YY1AP1: variants seen among roughly 807,000 people sequenced by gnomAD.
YY1AP1 encodes YY1 associated protein 1.
Under a neutral mutation model 39.9 loss-of-function variants are expected in YY1AP1, and 43 were observed. The ratio of observed to expected loss-of-function variants is 1.08; its 90% CI spans 0.84 to 1.39. YY1AP1 has a LOEUF of 1.39. YY1AP1 is among the 40% of genes most tolerant of loss of function. The probability of loss-of-function intolerance (pLI) is 0.00; values close to 1 mark genes in which losing one functional copy is unlikely to be tolerated. For synonymous variants in YY1AP1, 292 were observed against 331.3 expected, an observed-to-expected ratio of 0.88 and a Z score of 1.29; for missense variants, 813 against 900.7, an observed-to-expected ratio of 0.90 and a Z score of 1.25.
In YY1AP1 at chr1:155,660,771, T is replaced by C. The variant is rs770392051; in HGVS notation, c.1139A>G (p.Tyr380Cys). 1 of 1,614,212 alleles carries C rather than the reference T, an allele frequency of 6.2e-7. No individual in the cohort carries two copies. Among genetic ancestry groups the C allele is most frequent in the East Asian group, 2.2e-5 (1 of 44,880 alleles). ...TACACCCTTAGGCAATAGCAGTGGG[T>C]ACCGAGTTTCACTCCCCAACTCTGA... The part of the protein sequence containing the change: ...DNSELGSETR[Y>C]PLLLPKGVVL... Residue 380 changes from tyrosine to cysteine, a missense_variant, in exon 11 of 11, where the codon TAC (tyrosine) becomes TGC (cysteine). Transcript: ENST00000355499.
chr1:155,680,447 G>C lies in YY1AP1; in HGVS notation c.-11C>G, dbSNP rs1345915119. The C allele has an allele frequency of 6.2e-7, 1 of 1,613,394 alleles. No homozygotes were observed. On this transcript the variant is annotated 5_prime_UTR_variant, in exon 3 of 11. Transcript: ENST00000355499. ...AAACAGATCTTCCATCAGCTCATTT[G>C]CTTCCTTTTCTGCAAAAAAGCCAAA...
intron 9 of YY1AP1, among the ~76,000 whole-genome samples, chr1:155,661,691 T>C (rs569918689): frequency 3.9e-5 from 6 of 152,396 alleles, no homozygotes; most frequent in Admixed American, 2.6e-4. Context: ...AGTCTTGCTC[T>C]GTCGCCCAGG....
At chr1:155,675,190 T>C in intron 5 of YY1AP1, 94 bp from the exon 6 acceptor site, 1 of 1,164,642 alleles carries the variant, frequency 8.6e-7, no homozygotes, top group South Asian at 1.3e-5. Context: ...AGACAGGGTC[T>C]TGCTCTGTCA....
upstream of YY1AP1, chr1:155,688,890 G>A (rs751838515): frequency 3.7e-6 from 6 of 1,612,144 alleles, no homozygotes; most frequent in Non-Finnish European, 5.1e-6. Flanking sequence ...CGTTTGACTG[G>A]AATTGCCAGG....
At chr1:155,675,842 T>G (rs183563837) in intron 5 of YY1AP1, among the ~76,000 whole-genome samples, 1 of 152,322 alleles carries the variant, frequency 6.6e-6, no homozygotes, top group East Asian at 1.9e-4. Flanking sequence ...ACGTAGGATC[T>G]TGGCATAAAT....
At chr1:155,664,267 T>C (rs1648618681) in intron 9 of YY1AP1, among the ~76,000 whole-genome samples, 1 of 152,182 alleles carries the variant, frequency 6.6e-6, no homozygotes, top group African/African-American at 2.4e-5. Flanking sequence ...GAGGAGAGTA[T>C]TATTTTTTCC....
intron 7 of YY1AP1, 105 bp downstream of exon 7, chr1:155,672,455 G>A: frequency 2.2e-6 from 3 of 1,367,780 alleles, no homozygotes; most frequent in Non-Finnish European, 3.1e-6. Flanking sequence ...AATGTCCTGT[G>A]TCCTCCATTC....
At chr1:155,663,020 TC>T (rs1274862689) in intron 9 of YY1AP1, among the ~76,000 whole-genome samples, 1 of 148,776 alleles carries the variant, frequency 6.7e-6, no homozygotes, top group African/African-American at 2.5e-5. Flanking sequence ...CCCCGCCCCA[TC>T]CCCCAACAAA....
chr1:155,688,924 A>C, upstream of YY1AP1: 1 of 1,613,044 alleles, frequency 6.2e-7, no homozygotes, highest in Admixed American at 1.7e-5. Flanking sequence ...TCCCATGACA[A>C]CCTACCTCCC....
At chr1:155,681,775 A>G (rs1479978833) in intron 2 of YY1AP1, among the ~76,000 whole-genome samples, 1 of 152,176 alleles carries the variant, frequency 6.6e-6, no homozygotes, top group Non-Finnish European at 1.5e-5. Flanking sequence ...TGGAAAATTC[A>G]GAATCATATT....
chr1:155,664,732 A>G (rs1441685338), intron 9 of YY1AP1, among the ~76,000 whole-genome samples: 1 of 151,686 alleles, frequency 6.6e-6, no homozygotes, highest in Admixed American at 6.6e-5. Context: ...AAACGAGGAA[A>G]CTGACATCGA....
intron 7 of YY1AP1, chr1:155,671,053 G>C (rs1460459432): frequency 6.5e-6 from 1 of 153,028 alleles, no homozygotes; most frequent in Non-Finnish European, 1.5e-5. Flanking sequence ...CTGTCACATA[G>C]TGTATGCTCA....
chr1:155,661,266 G>C (rs1648056696), intron 10 of YY1AP1, 41 bp downstream of exon 10: 20 of 1,613,780 alleles, frequency 1.2e-5, no homozygotes, highest in Non-Finnish European at 1.7e-5. Flanking sequence ...AACTTTCAGT[G>C]ACCTTCTGCC....
At chr1:155,672,990 C>T (rs1650079760) in intron 6 of YY1AP1, among the ~76,000 whole-genome samples, 1 of 152,114 alleles carries the variant, frequency 6.6e-6, no homozygotes, top group Non-Finnish European at 1.5e-5. Context: ...AATTAAGAGT[C>T]TCAAGAATGG....
intron 9 of YY1AP1, among the ~76,000 whole-genome samples, chr1:155,663,353 G>A (rs1485787234): frequency 2.8e-5 from 4 of 145,020 alleles, no homozygotes; most frequent in Admixed American, 7.0e-5. Flanking sequence ...CCTGGCAACA[G>A]AGTGAGACTC....
intron 8 of YY1AP1, 104 bp downstream of exon 8, chr1:155,670,216 C>T (rs1425127132): frequency 1.3e-6 from 2 of 1,519,344 alleles, no homozygotes; most frequent in Admixed American, 1.7e-5. Flanking sequence ...ACTGCTTTTC[C>T]TTTTGTGTCC....
In YY1AP1 at chr1:155,676,720, A is replaced by C; in HGVS notation, c.152T>G (p.Leu51Arg). ...LRFEELLANL[L>R]NEQHQIAKEL... ...CTTCGCTATCTGATGTTGTTCATTTAGTAGGTTGGCCAGTAGTTCCTCAAA... is the reference window on the plus strand; with the variant it reads ...CTTCGCTATCTGATGTTGTTCATTTCGTAGGTTGGCCAGTAGTTCCTCAAA... The change falls in exon 5 of 11, where the codon CTA becomes CGA. Residue 51 changes from leucine (L) to arginine (R), a missense_variant. By Grantham distance (102) the Leu-to-Arg change is moderately radical. Around this residue, in one of 3 missense-constraint regions of YY1AP1, gnomAD observed 196 missense variants for 189.7 expected, o/e 1.03. Transcript: ENST00000355499. 5.6e-6 allele frequency: 9 copies of C among 1,614,166 alleles called. No individual in the cohort carries two copies. Among genetic ancestry groups the C allele is most frequent in the Non-Finnish European group, 6.8e-6 (8 of 1,180,026 alleles).
chr1:155,685,450 A>G (rs1275304615), intron 2 of YY1AP1, among the ~76,000 whole-genome samples: 1 of 151,974 alleles, frequency 6.6e-6, no homozygotes, highest in African/African-American at 2.4e-5. Flanking sequence ...AGGAGCTTCA[A>G]ATCACCTCAG....
intron 3 of YY1AP1, 111 bp downstream of exon 3, chr1:155,680,302 AAGG>A (rs1375764085): frequency 2.5e-6 from 3 of 1,207,976 alleles, no homozygotes; most frequent in Non-Finnish European, 3.6e-6. Flanking sequence ...GGTAGACTAA[AAGG>A]AGAATTGGTT....
Sources: gnomAD v4.1 joint callset for allele counts (sites outside exome capture counted in the v4.1 genomes callset) on GRCh38, gnomAD v4.1.1 for gene constraint, gnomAD v4.1.1 regional missense constraint, MANE v1.5 for transcripts, NCBI Gene and HGNC (gene_info 2026-07-23, HGNC 2026-07-21) for gene names.